UNC5C: variants seen among roughly 807,000 people sequenced by gnomAD.
UNC5C encodes the protein netrin receptor UNC5C.
Under a neutral mutation model 99.8 loss-of-function variants are expected in UNC5C, and 47 were observed. That is an observed-to-expected ratio of 0.47 (90% CI 0.37 to 0.60). The LOEUF (loss-of-function observed/expected upper bound fraction) is 0.60. Among genes scored for constraint, UNC5C ranks in the 20% least tolerant of loss-of-function variants. The pLI is 0.00. For synonymous variants in UNC5C, 487 were observed against 452.2 expected, an observed-to-expected ratio of 1.08 and a Z score of -0.98; for missense variants, 1,062 against 1,165.9, an observed-to-expected ratio of 0.91 and a Z score of 1.30.
intron 14 of UNC5C, among the ~76,000 whole-genome samples, chr4:95,177,000 A>G (rs930381461): frequency 6.6e-6 from 1 of 152,056 alleles, no homozygotes; most frequent in Non-Finnish European, 1.5e-5. Flanking sequence ...GAGTGACCCG[A>G]TTTTCCAGGT....
intron 2 of UNC5C, among the ~76,000 whole-genome samples, chr4:95,308,723 G>A (rs1420151672): frequency 9.1e-6 from 1 of 109,716 alleles, no homozygotes; most frequent in African/African-American, 3.5e-5. Flanking sequence ...CTGCACTCCA[G>A]CCTGGCTGAC....
At chr4:95,203,517 T>G (rs946399413) in intron 11 of UNC5C, among the ~76,000 whole-genome samples, 2 of 152,170 alleles carry the variant, frequency 1.3e-5, no homozygotes, top group African/African-American at 2.4e-5. Context: ...CTGCCCAGGC[T>G]GGAGTTCAGT....
At chr4:95,206,902 C>CTT (rs35063112) in intron 10 of UNC5C, 106 bp from the exon 11 acceptor site, 32,204 of 506,220 alleles carry the variant, frequency 0.064, 141 homozygotes, top group African/African-American at 0.083. Flanking sequence ...TCCTGGAATT[C>CTT]TTTTTTTTTT....
intron 1 of UNC5C, among the ~76,000 whole-genome samples, chr4:95,368,858 A>AT (rs1019856152): frequency 1.6e-4 from 24 of 152,068 alleles, no homozygotes; most frequent in African/African-American, 2.2e-4. Context: ...TATATTTTAC[A>AT]TTTTTTTCCT....
intron 3 of UNC5C, among the ~76,000 whole-genome samples, chr4:95,295,365 G>A (rs573786045): frequency 4.0e-4 from 61 of 152,292 alleles, no homozygotes; most frequent in Admixed American, 2.8e-3. Flanking sequence ...CTGCTGTCTT[G>A]TTAATGTGCA....
intron 1 of UNC5C, among the ~76,000 whole-genome samples, chr4:95,420,877 A>C (rs1746299687): frequency 6.6e-6 from 1 of 152,196 alleles, no homozygotes; most frequent in Non-Finnish European, 1.5e-5. Flanking sequence ...AGCTGCTTTG[A>C]TCAAATTCTA....
chr4:95,287,640 G>T (rs557659617), intron 3 of UNC5C, among the ~76,000 whole-genome samples: 31 of 152,232 alleles, frequency 2.0e-4, no homozygotes, highest in African/African-American at 7.0e-4. Flanking sequence ...TTAGCTTCAG[G>T]ATCTGCTCCA....
chr4:95,177,630 A>T (rs958426973), intron 14 of UNC5C, among the ~76,000 whole-genome samples: 2 of 152,180 alleles, frequency 1.3e-5, no homozygotes, highest in African/African-American at 2.4e-5. Context: ...TTGCCATGGT[A>T]TGCACAGTGC....
chr4:95,260,687 G>C (rs1224721136), intron 4 of UNC5C, among the ~76,000 whole-genome samples: 1 of 152,152 alleles, frequency 6.6e-6, no homozygotes, highest in Non-Finnish European at 1.5e-5. Flanking sequence ...GAGGGGAAGA[G>C]GGCACCTTGT....
At chr4:95,218,490 G>T (rs1032601605) in intron 9 of UNC5C, among the ~76,000 whole-genome samples, 1 of 152,190 alleles carries the variant, frequency 6.6e-6, no homozygotes, top group African/African-American at 2.4e-5. Flanking sequence ...GAAAGACTGT[G>T]TGATCAAGTT....
chr4:95,333,625 G>A (rs1462930350), intron 2 of UNC5C, among the ~76,000 whole-genome samples: 1 of 151,864 alleles, frequency 6.6e-6, no homozygotes, highest in East Asian at 1.9e-4. Context: ...AATTCTAAAT[G>A]ACCAGTTAAT....
chr4:95,497,333 T>A (rs1055283231), intron 1 of UNC5C, among the ~76,000 whole-genome samples: 1 of 151,966 alleles, frequency 6.6e-6, no homozygotes, highest in African/African-American at 2.4e-5. Flanking sequence ...TTGCACTTAC[T>A]TTAAAATATA....
At position 95,210,565 on chromosome 4, in the gene UNC5C, A is replaced by G. The variant is rs1738042768; in HGVS notation, c.1734-3769T>C. ...CTTCTCTATGTCTCATGTGTTTTCT[A>G]AGCAATTCAAGCAGTCTGTAAATAT... On this transcript the variant is annotated intron_variant, in intron 10 of 15. Transcript: ENST00000453304. Among the ~76,000 whole-genome samples the G allele has an allele frequency of 3.3e-5, 5 of 152,346 alleles. No homozygotes were observed. The South Asian group carries it at 1.0e-3, about 32-fold the overall frequency.
At chr4:95,379,794 G>C (rs17023685) in intron 1 of UNC5C, among the ~76,000 whole-genome samples, 15,986 of 152,096 alleles carry the variant, frequency 0.11, 910 homozygotes, top group Admixed American at 0.15. Context: ...CTTCTTAGGC[G>C]CGATAAGGAG....
intron 4 of UNC5C, among the ~76,000 whole-genome samples, chr4:95,277,068 G>GA (rs1477929907): frequency 5.9e-5 from 9 of 151,960 alleles, no homozygotes; most frequent in Non-Finnish European, 1.2e-4. Context: ...TTTACTTCTT[G>GA]AAAAAAATGG....
At chr4:95,457,635 T>C (rs1261424215) in intron 1 of UNC5C, among the ~76,000 whole-genome samples, 2 of 152,122 alleles carry the variant, frequency 1.3e-5, no homozygotes, top group Non-Finnish European at 2.9e-5. Context: ...AACTGAAGTT[T>C]TTAACTATTT....
At chr4:95,484,435 T>C (rs1464655890) in intron 1 of UNC5C, among the ~76,000 whole-genome samples, 1 of 151,688 alleles carries the variant, frequency 6.6e-6, no homozygotes, top group Non-Finnish European at 1.5e-5. Context: ...CGAGCAGGTA[T>C]GCTTCCCAAC....
intron 2 of UNC5C, among the ~76,000 whole-genome samples, chr4:95,316,872 A>G (rs1003607544): frequency 9.2e-5 from 14 of 152,228 alleles, no homozygotes; most frequent in African/African-American, 3.1e-4. Flanking sequence ...ACTTCAAGGT[A>G]TTATCCCTAT....
At chr4:95,389,690 T>C (rs1019766411) in intron 1 of UNC5C, among the ~76,000 whole-genome samples, 5 of 152,154 alleles carry the variant, frequency 3.3e-5, no homozygotes, top group African/African-American at 1.2e-4. Flanking sequence ...ATAAATTTTA[T>C]GAAATCAAAT....
Sources: gnomAD v4.1 joint callset for allele counts (sites outside exome capture counted in the v4.1 genomes callset) on GRCh38, gnomAD v4.1.1 for gene constraint, MANE v1.5 for transcripts, NCBI Gene and HGNC (gene_info 2026-07-23, HGNC 2026-07-21) for gene names.